The following SRGAP3 variants were observed in gnomAD, a reference collection of about 807,000 sequenced individuals.
The protein encoded by SRGAP3 is SLIT-ROBO Rho GTPase-activating protein 3.
Under a neutral mutation model 121.1 loss-of-function variants are expected in SRGAP3, and 39 were observed. The ratio of observed to expected loss-of-function variants is 0.32; its 90% CI spans 0.25 to 0.42. The LOEUF (loss-of-function observed/expected upper bound fraction) is 0.42. SRGAP3 is among the 10% of genes least tolerant of loss of function. The pLI, the probability that SRGAP3 is intolerant of heterozygous loss-of-function variation, is 1.00. For missense variants in SRGAP3, 1,213 were observed against 1,470.6 expected (o/e 0.82, Z 2.86); for synonymous variants, 601 against 570.0 (o/e 1.05, Z -0.77).
chr3:9,258,164 C>A (rs1954175390), intron 3 of SRGAP3, among the ~76,000 whole-genome samples: 1 of 152,052 alleles, frequency 6.6e-6, no homozygotes, highest in Admixed American at 6.6e-5. Context: ...AGCACAGGGT[C>A]CCATGGGATC....
At chr3:9,059,952 G>A (rs1345391275) in intron 6 of SRGAP3, 1 of 441,136 alleles carries the variant, frequency 2.3e-6, no homozygotes. Context: ...TGGTGTCCAG[G>A]AGGGTACTTG....
chr3:9,077,315 T>C (rs2125254999), intron 4 of SRGAP3, among the ~76,000 whole-genome samples: 1 of 152,278 alleles, frequency 6.6e-6, no homozygotes, highest in Non-Finnish European at 1.5e-5. Context: ...TGAATATTCA[T>C]GATCCCCCAC....
At chr3:9,217,154 G>C (rs1952663515) in intron 1 of SRGAP3, among the ~76,000 whole-genome samples, 1 of 152,096 alleles carries the variant, frequency 6.6e-6, no homozygotes, top group African/African-American at 2.4e-5. Context: ...GGTTAAGATA[G>C]TAAATTTTAT....
upstream of SRGAP3, among the ~76,000 whole-genome samples, chr3:9,251,068 T>C (rs1394384380): frequency 1.3e-5 from 2 of 152,216 alleles, no homozygotes; most frequent in Non-Finnish European, 2.9e-5. Flanking sequence ...GAATAGGTTA[T>C]CCATGCTAGT....
intron 1 of SRGAP3, among the ~76,000 whole-genome samples, chr3:9,146,633 T>C (rs1950032766): frequency 6.6e-6 from 1 of 151,880 alleles, no homozygotes; most frequent in Admixed American, 6.6e-5. Flanking sequence ...CTTGGCAGAG[T>C]TAAGGGAAGG....
At position 9,205,915 on chromosome 3, in the gene SRGAP3, C is replaced by T. The variant is rs149560250; in HGVS notation, c.67+42970G>A. ...TGTATGATTCTACTCATACGGGGTA[C>T]CTAGAGTAGTCAGATTCACAAAGAC... On this transcript the variant is annotated intron_variant, in intron 1 of 21. Coordinates refer to ENST00000383836, the MANE Select transcript of SRGAP3 (RefSeq NM_014850.4). Among the ~76,000 whole-genome samples the T allele has an allele frequency of 2.7e-3, 409 of 152,124 alleles. 2 individuals carry two copies. The highest frequency in any genetic ancestry group is 5.1e-3 in the Non-Finnish European group (350 of 67,994).
At chr3:9,045,600 C>G (rs115877538) in intron 10 of SRGAP3, among the ~76,000 whole-genome samples, 3 of 151,968 alleles carry the variant, frequency 2.0e-5, no homozygotes, top group Non-Finnish European at 4.4e-5. Context: ...CAAGCCCCCC[C>G]GGAGAATGGC....
chr3:9,312,601 TAG>T (rs1249974532), intron 3 of SRGAP3, among the ~76,000 whole-genome samples: 2 of 152,334 alleles, frequency 1.3e-5, no homozygotes, highest in Admixed American at 6.5e-5. Flanking sequence ...ACGACACAAT[TAG>T]AGTCTCTGCT....
rs112550999 is a variant in SRGAP3 at position 9,080,489 on chromosome 3, T to C, written c.424-402A>G. 1.4e-3 allele frequency among the ~76,000 whole-genome samples: 212 copies of C among 152,308 alleles called. 2 individuals carry two copies. The highest frequency in any genetic ancestry group is 4.9e-3 in the African/African-American group (203 of 41,562). ...TGAATGGCTACAGAGTGGGGTTCCA[T>C]AGAACACACTTTGAGAAACAATGAT... On this transcript the variant is annotated intron_variant, in intron 3 of 21. Transcript: ENST00000383836.
At chr3:9,056,207 C>T (rs1336718500) in intron 8 of SRGAP3, 26 bp downstream of exon 8, 2 of 1,612,362 alleles carry the variant, frequency 1.2e-6, no homozygotes, top group Admixed American at 1.7e-5. Context: ...AAGAAAATCC[C>T]TTATAGGGCA....
chr3:9,001,917 A>G (rs1276585079), intron 18 of SRGAP3, among the ~76,000 whole-genome samples: 3 of 152,214 alleles, frequency 2.0e-5, no homozygotes, highest in African/African-American at 7.2e-5. Context: ...ACATGAAGCA[A>G]AAATGGACAA....
At position 9,261,763 on chromosome 3, in the gene SRGAP3, T is replaced by A. The variant is rs1317325235; in HGVS notation, n.442+64247A>T. 1.3e-5 allele frequency among the ~76,000 whole-genome samples: 2 copies of A among 151,310 alleles called. 1 individual carries two copies. ...AGTGACAGGGAGAATGGAACCAAGC[T>A]GGAAAACACACTTCAGGATATTATC... On this transcript the variant is annotated intron_variant and non_coding_transcript_variant, in intron 3 of 3. Transcript: ENST00000490889.
chr3:9,214,116 C>A (rs1043068391), intron 1 of SRGAP3, among the ~76,000 whole-genome samples: 216 of 134,252 alleles, frequency 1.6e-3, no homozygotes, highest in African/African-American at 5.0e-3. Context: ...TACCCACCTC[C>A]AACACACACA....
intron 1 of SRGAP3, among the ~76,000 whole-genome samples, chr3:9,166,227 G>A (rs1246302413): frequency 6.6e-6 from 1 of 152,136 alleles, no homozygotes; most frequent in East Asian, 1.9e-4. Flanking sequence ...CACTAGGTCT[G>A]AGCTCCAGGA....
chr3:8,990,932 C>T (rs184312037), intron 20 of SRGAP3, 93 bp from the exon 21 acceptor site: 21 of 1,146,710 alleles, frequency 1.8e-5, no homozygotes, highest in African/African-American at 1.2e-4. Context: ...ACACACTACA[C>T]GCTAGTCTAA....
chr3:9,261,195 T>C (rs10222521), intron 3 of SRGAP3, among the ~76,000 whole-genome samples: 6,948 of 151,986 alleles, frequency 0.046, 539 homozygotes, highest in African/African-American at 0.16. Flanking sequence ...CATCCAAAGG[T>C]CACCAACATC....
chr3:9,221,398 G>C (rs995545159), intron 1 of SRGAP3, among the ~76,000 whole-genome samples: 1 of 151,990 alleles, frequency 6.6e-6, no homozygotes, highest in Non-Finnish European at 1.5e-5. Flanking sequence ...GCCAGGCCTG[G>C]TGGTGGTGCA....
At chr3:9,038,686 G>C (rs11720446) in intron 10 of SRGAP3, among the ~76,000 whole-genome samples, 2,021 of 152,216 alleles carry the variant, frequency 0.013, 10 homozygotes, top group South Asian at 0.018. Flanking sequence ...AAGTACTATG[G>C]GTTCTCCATG....
intron 1 of SRGAP3, among the ~76,000 whole-genome samples, chr3:9,150,381 G>A (rs545167120): frequency 1.2e-4 from 19 of 152,100 alleles, no homozygotes; most frequent in Non-Finnish European, 2.2e-4. Context: ...GGCCAGCACC[G>A]AGAAGACCCA....
Sources: allele counts gnomAD v4.1 joint callset (sites outside exome capture counted in the v4.1 genomes callset), GRCh38; gene constraint gnomAD v4.1.1; transcripts MANE v1.5; gene names NCBI Gene and HGNC (gene_info 2026-07-23, HGNC 2026-07-21).